Variants in MACROH2A1 observed in about 807,000 individuals in gnomAD.
The protein encoded by MACROH2A1 is core histone macro-H2A.1.
In MACROH2A1, 2 loss-of-function variants were observed where a neutral mutation model predicts 31.6. The observed-to-expected ratio is 0.06, with a 90% CI of 0.03 to 0.20. MACROH2A1 has a LOEUF of 0.20. MACROH2A1 is among the 10% of genes least tolerant of loss of function. The pLI, the probability that MACROH2A1 is intolerant of heterozygous loss-of-function variation, is 1.00. For missense variants in MACROH2A1, 230 were observed against 474.0 expected (o/e 0.49, Z 4.78); for synonymous variants, 169 against 189.6 (o/e 0.89, Z 0.89).
chr5:135,356,184 G>A (rs921831638), intron 5 of MACROH2A1: 6 of 152,240 alleles, frequency 3.9e-5, no homozygotes, highest in African/African-American at 1.4e-4. Context: ...GGCACTGCCA[G>A]TTATAGAGCA....
At chr5:135,374,613 G>C (rs1202391186) in intron 2 of MACROH2A1, among the ~76,000 whole-genome samples, 2 of 152,208 alleles carry the variant, frequency 1.3e-5, no homozygotes, top group South Asian at 2.1e-4. Context: ...TCCTACAAGG[G>C]GGAGGGTGGG....
chr5:135,358,728 A>G, intron 5 of MACROH2A1: 1 of 940,960 alleles, frequency 1.1e-6, no homozygotes, highest in Non-Finnish European at 1.3e-6. Flanking sequence ...ATTATAGAGT[A>G]TCAATACTTT....
chr5:135,382,640 T>C (rs1765805905), intron 2 of MACROH2A1, among the ~76,000 whole-genome samples: 1 of 152,232 alleles, frequency 6.6e-6, no homozygotes, highest in African/African-American at 2.4e-5. Flanking sequence ...AAATAATTAC[T>C]AAGCTGGTCT....
At chr5:135,351,263 T>C in intron 6 of MACROH2A1, 1 of 165,268 alleles carries the variant, frequency 6.1e-6, no homozygotes, top group Non-Finnish European at 1.3e-5. Context: ...TACTAAAACA[T>C]GGCATCTGTT....
At chr5:135,367,040 T>C (rs1763592375) in intron 4 of MACROH2A1, among the ~76,000 whole-genome samples, 1 of 152,180 alleles carries the variant, frequency 6.6e-6, no homozygotes, top group Non-Finnish European at 1.5e-5. Context: ...TATGTAGAAT[T>C]GTGGGAAAAA....
intron 8 of MACROH2A1, among the ~76,000 whole-genome samples, chr5:135,336,879 T>G (rs1485354948): frequency 6.6e-6 from 1 of 152,128 alleles, no homozygotes; most frequent in East Asian, 1.9e-4. Flanking sequence ...CAATCTTCCA[T>G]TTTTGGGGGG....
intron 4 of MACROH2A1, chr5:135,361,032 A>C: frequency 3.2e-6 from 1 of 315,482 alleles, no homozygotes; most frequent in Non-Finnish European, 6.1e-6. Flanking sequence ...AAGGACTATA[A>C]CCCTCTAACC....
At chr5:135,357,899 C>T in intron 5 of MACROH2A1, 1 of 985,164 alleles carries the variant, frequency 1.0e-6, no homozygotes, top group Non-Finnish European at 1.2e-6. Flanking sequence ...GCTTAGCAAC[C>T]ATGCCTTACA....
intron 5 of MACROH2A1, chr5:135,358,676 C>G: frequency 1.1e-6 from 1 of 945,984 alleles, no homozygotes; most frequent in Non-Finnish European, 1.3e-6. Context: ...TGCTTTCATT[C>G]TCCATTTTTA....
intron 2 of MACROH2A1, among the ~76,000 whole-genome samples, chr5:135,380,728 C>T (rs189911748): frequency 5.9e-5 from 9 of 152,312 alleles, no homozygotes; most frequent in Admixed American, 3.9e-4. Flanking sequence ...CTGCATACTA[C>T]ATGTGCCCAT....
intron 4 of MACROH2A1, among the ~76,000 whole-genome samples, chr5:135,364,620 A>G (rs1763262827): frequency 6.6e-6 from 1 of 152,242 alleles, no homozygotes; most frequent in Admixed American, 6.5e-5. Context: ...TGAGCAGCAG[A>G]AAACCTGTTA....
At chr5:135,351,591 A>T (rs1346214263) in intron 6 of MACROH2A1, 6 of 71,926 alleles carry the variant, frequency 8.3e-5, no homozygotes, top group South Asian at 4.8e-4. Context: ...TACAGATAGG[A>T]TCTTGCTGTT....
intron 8 of MACROH2A1, among the ~76,000 whole-genome samples, chr5:135,336,472 G>C (rs956131340): frequency 9.2e-5 from 14 of 152,172 alleles, no homozygotes; most frequent in African/African-American, 3.4e-4. Flanking sequence ...GGCAATTAGT[G>C]GGGGGCAACC....
chr5:135,343,138 T>C, intron 8 of MACROH2A1, 122 bp downstream of exon 8: 1 of 1,585,776 alleles, frequency 6.3e-7, no homozygotes, highest in Non-Finnish European at 8.5e-7. Context: ...GTTGTGCTTC[T>C]GGTCTCCTTG....
At chr5:135,381,410 T>C (rs1390895437) in intron 2 of MACROH2A1, among the ~76,000 whole-genome samples, 1 of 152,144 alleles carries the variant, frequency 6.6e-6, no homozygotes, top group African/African-American at 2.4e-5. Flanking sequence ...ATGTGAAATA[T>C]ATTTAAATAA....
At chr5:135,381,044 C>A (rs953777482) in intron 2 of MACROH2A1, among the ~76,000 whole-genome samples, 2 of 152,054 alleles carry the variant, frequency 1.3e-5, no homozygotes, top group African/African-American at 4.8e-5. Flanking sequence ...ACAGATAAAG[C>A]AGAAAATAAA....
intron 4 of MACROH2A1, among the ~76,000 whole-genome samples, chr5:135,365,992 T>C (rs1407581198): frequency 6.6e-6 from 1 of 152,356 alleles, no homozygotes; most frequent in East Asian, 1.9e-4. Flanking sequence ...AACTGGATCA[T>C]GGTGGATGGT....
rs1375619622 is a variant in MACROH2A1 at position 135,334,705 on chromosome 5, A to T, written c.*271T>A. The T allele has an allele frequency of 2.9e-6, 1 of 345,064 alleles. No individual in the cohort carries two copies. The highest frequency in any genetic ancestry group is 5.3e-6 in the Non-Finnish European group (1 of 187,940). The allele number at this position is 345,064 out of a possible 1,614,324, so 21.4% of individuals were successfully genotyped here. A position where few individuals can be genotyped will look rare whatever the true frequency, so the allele number is the denominator to read the frequency against. On this transcript the variant is annotated 3_prime_UTR_variant, in exon 9 of 9. Transcript: ENST00000511689. ...TGTGCGTCAATCAGGGTTTCATTAA[A>T]ATAAAACTATAAAATCTCCTAGGTT...
intron 1 of MACROH2A1, among the ~76,000 whole-genome samples, chr5:135,391,505 C>T (rs1222090496): frequency 6.6e-6 from 1 of 152,172 alleles, no homozygotes; most frequent in Non-Finnish European, 1.5e-5. Flanking sequence ...AGTGGTGCTC[C>T]TTGTCTTTCC....
Sources: allele counts gnomAD v4.1 joint callset (sites outside exome capture counted in the v4.1 genomes callset), GRCh38; gene constraint gnomAD v4.1.1; transcripts MANE v1.5; gene names NCBI Gene and HGNC (gene_info 2026-07-23, HGNC 2026-07-21).